CBLB: variants seen among roughly 807,000 people sequenced by gnomAD.
The protein encoded by CBLB is Cbl proto-oncogene B.
CBLB carries 31 observed loss-of-function variants against 104.9 expected under a neutral mutation model. The ratio of observed to expected loss-of-function variants is 0.30; its 90% CI spans 0.22 to 0.40. The LOEUF (loss-of-function observed/expected upper bound fraction) is 0.40, where lower values mean the gene tolerates loss of function less well. Ranked by LOEUF, CBLB falls within the 10% of genes least tolerant of loss-of-function variation. CBLB has a pLI of 1.00. For synonymous variants in CBLB, 440 were observed against 422.6 expected (o/e 1.04, Z -0.51); for missense variants, 1,062 against 1,214.6 (o/e 0.87, Z 1.87).
At chr3:105,755,894 T>C (rs151085966) in intron 4 of CBLB, among the ~76,000 whole-genome samples, 2,683 of 152,324 alleles carry the variant, frequency 0.018, 30 homozygotes, top group Middle Eastern at 0.037. Context: ...AACAATTTTG[T>C]GCAGAAAAAT....
chr3:105,855,641 G>T (rs1467375787), intron 2 of CBLB, among the ~76,000 whole-genome samples: 1 of 152,098 alleles, frequency 6.6e-6, no homozygotes, highest in Non-Finnish European at 1.5e-5. Flanking sequence ...ATTCAAATCT[G>T]GCAATTTGAA....
intron 10 of CBLB, 88 bp from the exon 11 acceptor site, chr3:105,704,261 GT>G (rs1481791022): frequency 3.2e-6 from 4 of 1,232,786 alleles, no homozygotes; most frequent in Non-Finnish European, 4.8e-6. Flanking sequence ...TTGGAAGAAG[GT>G]TTCTGGCACC....
At chr3:105,794,826 C>A (rs1011117961) in intron 3 of CBLB, among the ~76,000 whole-genome samples, 2 of 152,070 alleles carry the variant, frequency 1.3e-5, no homozygotes, top group African/African-American at 2.4e-5. Context: ...ACATACCCAA[C>A]AACCCAGCAA....
chr3:105,722,800 C>T (rs192992366), intron 9 of CBLB, among the ~76,000 whole-genome samples: 1 of 152,186 alleles, frequency 6.6e-6, no homozygotes, highest in Non-Finnish European at 1.5e-5. Flanking sequence ...AGGTGAAAGG[C>T]AATAACTGTG....
intron 3 of CBLB, among the ~76,000 whole-genome samples, chr3:105,778,279 G>C (rs2079722566): frequency 6.6e-6 from 1 of 152,094 alleles, no homozygotes; most frequent in African/African-American, 2.4e-5. Context: ...GTCATTGAAA[G>C]TTGTGTTTCT....
upstream of CBLB, chr3:105,869,021 CCTGTGG>C: frequency 9.2e-7 from 1 of 1,092,528 alleles, no homozygotes; most frequent in Non-Finnish European, 1.1e-6. Context: ...ACACCCCACC[CCTGTGG>C]CACACACAGG....
At chr3:105,764,185 A>T (rs1280347102) in intron 4 of CBLB, among the ~76,000 whole-genome samples, 1 of 152,212 alleles carries the variant, frequency 6.6e-6, no homozygotes, top group Non-Finnish European at 1.5e-5. Context: ...GATTAAGACC[A>T]GGACCTCTAT....
chr3:105,749,933 T>C (rs2076442495), intron 5 of CBLB, among the ~76,000 whole-genome samples: 1 of 152,136 alleles, frequency 6.6e-6, no homozygotes, highest in Non-Finnish European at 1.5e-5. Context: ...AAAGCACACT[T>C]TCATCAGTGA....
chr3:105,678,469 C>A lies in CBLB; in HGVS notation c.2531G>T (p.Arg844Leu). ...EHSKPPGSSS[R>L]PSSGQDLFLL... ...AAAAAGATCCTGTCCTGAGGATGGC[C>A]GGCTACTGGAGCCAGGAGGTTTTGA... The change falls in exon 17 of 19, where the codon CGG (arginine) becomes CTG (leucine). Residue 844 changes from arginine (R) to leucine (L), a missense_variant. Physicochemically the swap from Arg to Leu is moderately radical, Grantham distance 102. Around this residue, in one of 2 missense-constraint regions of CBLB, gnomAD observed 605 missense variants for 582.6 expected, o/e 1.04. Coordinates refer to ENST00000394030, the MANE Select transcript of CBLB (RefSeq NM_170662.5). 3 of 1,613,970 alleles carry A rather than the reference C, an allele frequency of 1.9e-6. No individual in the cohort carries two copies. Among genetic ancestry groups the A allele is most frequent in the South Asian group, 1.1e-5 (1 of 91,080 alleles).
chr3:105,849,616 G>C (rs1376757412), intron 3 of CBLB, among the ~76,000 whole-genome samples: 1 of 152,008 alleles, frequency 6.6e-6, no homozygotes, highest in Non-Finnish European at 1.5e-5. Context: ...AACATCTACT[G>C]AGTTAGAAAA....
At chr3:105,846,707 T>C (rs899336952) in intron 3 of CBLB, among the ~76,000 whole-genome samples, 1 of 152,246 alleles carries the variant, frequency 6.6e-6, no homozygotes, top group South Asian at 2.1e-4. Flanking sequence ...CACATTCCTG[T>C]ACTTAGTTAA....
At chr3:105,864,801 C>T (rs1364083491) in intron 2 of CBLB, among the ~76,000 whole-genome samples, 1 of 152,152 alleles carries the variant, frequency 6.6e-6, no homozygotes, top group Non-Finnish European at 1.5e-5. Context: ...GGTAAAACTA[C>T]ATACTCACTA....
intron 2 of CBLB, among the ~76,000 whole-genome samples, chr3:105,861,035 CTAAATG>C (rs527369747): frequency 2.0e-5 from 3 of 151,852 alleles, no homozygotes; most frequent in Non-Finnish European, 4.4e-5. Context: ...CAACAATCAT[CTAAATG>C]TAACTATGTT....
At chr3:105,665,307 C>T (rs952647987) in intron 18 of CBLB, among the ~76,000 whole-genome samples, 1 of 151,110 alleles carries the variant, frequency 6.6e-6, no homozygotes, top group East Asian at 1.9e-4. Flanking sequence ...TGCTTGAACC[C>T]GGAACGTGGA....
intron 4 of CBLB, among the ~76,000 whole-genome samples, chr3:105,769,126 C>T (rs2078565023): frequency 6.6e-6 from 1 of 151,890 alleles, no homozygotes; most frequent in Non-Finnish European, 1.5e-5. Context: ...CCAGCCTGGC[C>T]AACATGGAGA....
chr3:105,786,340 T>C (rs948481914), intron 3 of CBLB, among the ~76,000 whole-genome samples: 20 of 152,112 alleles, frequency 1.3e-4, no homozygotes, highest in Admixed American at 9.2e-4. Context: ...AGCCATTATA[T>C]TGATGTTCTC....
intron 4 of CBLB, among the ~76,000 whole-genome samples, chr3:105,761,021 T>C (rs2077568609): frequency 6.6e-6 from 1 of 152,124 alleles, no homozygotes; most frequent in African/African-American, 2.4e-5. Flanking sequence ...TTTATTGTTG[T>C]TGTTTTTGTT....
chr3:105,682,017 C>A, intron 14 of CBLB, 199 bp from the exon 15 acceptor site: 2 of 552,222 alleles, frequency 3.6e-6, no homozygotes, highest in South Asian at 4.4e-5. Flanking sequence ...TCAAGTAACA[C>A]AGTCTCTCTT....
intron 3 of CBLB, among the ~76,000 whole-genome samples, chr3:105,845,230 G>A (rs1293024710): frequency 6.6e-6 from 1 of 151,798 alleles, no homozygotes; most frequent in Non-Finnish European, 1.5e-5. Context: ...ATGCTCATCT[G>A]TGGGGGAAAA....
Sources: allele counts gnomAD v4.1 joint callset (sites outside exome capture counted in the v4.1 genomes callset), GRCh38; gene constraint gnomAD v4.1.1; regional missense constraint gnomAD v4.1.1; transcripts MANE v1.5; gene names NCBI Gene and HGNC (gene_info 2026-07-23, HGNC 2026-07-21).